Variants in TRDN observed in about 807,000 individuals in gnomAD.
The protein encoded by TRDN is triadin in skeletal muscle.
A neutral mutation model predicts 149.7 loss-of-function variants in TRDN; 161 were observed. The ratio of observed to expected loss-of-function variants is 1.08; its 90% CI spans 0.95 to 1.23. TRDN has a LOEUF of 1.23. Ranked by LOEUF, TRDN falls within the 50% of genes most tolerant of loss-of-function variation. TRDN has a pLI of 0.00. For missense variants in TRDN, 896 were observed against 823.5 expected, an observed-to-expected ratio of 1.09 and a Z score of -1.08; for synonymous variants, 294 against 250.5, an observed-to-expected ratio of 1.17 and a Z score of -1.64.
intron 29 of TRDN, among the ~76,000 whole-genome samples, chr6:123,271,781 C>T (rs919862364): frequency 9.9e-5 from 15 of 151,970 alleles, no homozygotes; most frequent in African/African-American, 2.4e-5. Context: ...TATGAATCAA[C>T]TGATCAAATA....
At chr6:123,335,883 T>C (rs944648588) in intron 22 of TRDN, among the ~76,000 whole-genome samples, 1 of 152,032 alleles carries the variant, frequency 6.6e-6, no homozygotes, top group Admixed American at 6.6e-5. Context: ...TGTATATCTT[T>C]TCCTGATAGT....
At chr6:123,513,695 T>C (rs994167818) in intron 6 of TRDN, among the ~76,000 whole-genome samples, 2 of 152,126 alleles carry the variant, frequency 1.3e-5, no homozygotes. Context: ...AACAATTATT[T>C]AACTGAAATT....
At chr6:123,263,788 A>T (rs946984398) in intron 33 of TRDN, among the ~76,000 whole-genome samples, 1 of 152,118 alleles carries the variant, frequency 6.6e-6, no homozygotes, top group Admixed American at 6.6e-5. Flanking sequence ...CTTGAAGTTG[A>T]AGCCAATGCT....
At chr6:123,512,744 C>G (rs1329563522) in intron 6 of TRDN, among the ~76,000 whole-genome samples, 1 of 151,440 alleles carries the variant, frequency 6.6e-6, no homozygotes, top group Non-Finnish European at 1.5e-5. Context: ...TGGTAGTTTC[C>G]CAAATCATCA....
intron 38 of TRDN, among the ~76,000 whole-genome samples, chr6:123,242,684 A>C (rs1173007145): frequency 2.0e-5 from 3 of 152,110 alleles, no homozygotes; most frequent in Non-Finnish European, 2.9e-5. Flanking sequence ...AAAGAAAGAA[A>C]AGAAAGTGTA....
intron 11 of TRDN, 40 bp from the exon 12 acceptor site, chr6:123,438,162 T>C (rs1355609546): frequency 6.8e-7 from 1 of 1,462,200 alleles, no homozygotes. Flanking sequence ...TTTACCTGTT[T>C]AACTTGCAAA....
intron 1 of TRDN, among the ~76,000 whole-genome samples, chr6:123,628,309 G>A (rs564707564): frequency 8.6e-5 from 13 of 152,014 alleles, no homozygotes; most frequent in African/African-American, 2.9e-4. Context: ...GTTGTGTCTC[G>A]GGGAACAGAA....
intron 1 of TRDN, among the ~76,000 whole-genome samples, chr6:123,609,023 A>C (rs1784659891): frequency 6.6e-6 from 1 of 152,038 alleles, no homozygotes; most frequent in African/African-American, 2.4e-5. Context: ...AAATACAAAA[A>C]TTAGCAGGGC....
chr6:123,552,076 T>C (rs2114454876), intron 2 of TRDN, among the ~76,000 whole-genome samples: 1 of 152,236 alleles, frequency 6.6e-6, no homozygotes, highest in South Asian at 2.1e-4. Context: ...GTATCCAATG[T>C]TGAAATCACT....
chr6:123,246,296 G>T (rs770637080), intron 38 of TRDN, among the ~76,000 whole-genome samples: 12 of 152,032 alleles, frequency 7.9e-5, no homozygotes, highest in Non-Finnish European at 1.5e-4. Context: ...AATGAATCTA[G>T]GAGCTGTTTT....
intron 38 of TRDN, among the ~76,000 whole-genome samples, chr6:123,240,460 G>C (rs1458428773): frequency 3.3e-5 from 5 of 150,476 alleles, no homozygotes; most frequent in East Asian, 1.9e-4. Flanking sequence ...CTTACTTGCT[G>C]AAACAACGTA....
intron 4 of TRDN, among the ~76,000 whole-genome samples, chr6:123,544,847 T>A (rs2114417998): frequency 6.6e-6 from 1 of 152,084 alleles, no homozygotes; most frequent in East Asian, 1.9e-4. Context: ...AACAACAGAT[T>A]CCACAGGCTA....
At chr6:123,483,101 T>TATC (rs1301042801) in intron 9 of TRDN, among the ~76,000 whole-genome samples, 22 of 147,002 alleles carry the variant, frequency 1.5e-4, no homozygotes, top group African/African-American at 5.2e-4. Context: ...TTATTATTAT[T>TATC]ATTATTATTA....
chr6:123,280,716 C>A (rs1777553256), intron 24 of TRDN, among the ~76,000 whole-genome samples: 1 of 150,348 alleles, frequency 6.7e-6, no homozygotes, highest in Non-Finnish European at 1.5e-5. Context: ...TCTCAGAAGC[C>A]TTTTTCTGAT....
At chr6:123,392,853 A>G (rs561498802) in intron 13 of TRDN, among the ~76,000 whole-genome samples, 1 of 152,082 alleles carries the variant, frequency 6.6e-6, no homozygotes, top group Non-Finnish European at 1.5e-5. Context: ...TGTGCTAAGA[A>G]GTCTGCTATG....
chr6:123,482,652 G>A (rs149090980), intron 9 of TRDN, among the ~76,000 whole-genome samples: 64 of 152,242 alleles, frequency 4.2e-4, no homozygotes, highest in African/African-American at 1.4e-3. Context: ...CAATATATAA[G>A]AGAATATTAA....
intron 1 of TRDN, among the ~76,000 whole-genome samples, chr6:123,574,848 TTATATATACATATATATATATATATATA>T (rs1782752631): frequency 9.8e-6 from 1 of 102,554 alleles, no homozygotes; most frequent in East Asian, 2.8e-4. Context: ...GAACATGAAT[TTATATATACATATATATATATATATATA>T]TATATATATA....
At chr6:123,519,744 A>G (rs369180411) in intron 5 of TRDN, among the ~76,000 whole-genome samples, 1 of 151,724 alleles carries the variant, frequency 6.6e-6, no homozygotes, top group Non-Finnish European at 1.5e-5. Flanking sequence ...AAAAAATCAG[A>G]TGGATAATCA....
At chr6:123,574,543 C>T (rs147114552) in intron 1 of TRDN, among the ~76,000 whole-genome samples, 62 of 151,902 alleles carry the variant, frequency 4.1e-4, no homozygotes, top group African/African-American at 1.5e-3. Context: ...TAATGATTTG[C>T]AGCAAAGTAA....
Sources: allele counts gnomAD v4.1 joint callset (sites outside exome capture counted in the v4.1 genomes callset), GRCh38; gene constraint gnomAD v4.1.1; transcripts MANE v1.5; gene names NCBI Gene and HGNC (gene_info 2026-07-23, HGNC 2026-07-21).